The following DEPDC1B variants were observed in gnomAD, a reference collection of about 807,000 sequenced individuals.
The protein encoded by DEPDC1B is DEP domain-containing protein 1B.
In DEPDC1B, 51 loss-of-function variants were observed where a neutral mutation model predicts 66.5. The observed-to-expected ratio is 0.77, with a 90% CI of 0.61 to 0.97. DEPDC1B has a LOEUF of 0.97. Among genes scored for constraint, DEPDC1B ranks in the 50% least tolerant of loss-of-function variants. The pLI is 0.00. For missense variants in DEPDC1B, 552 were observed against 637.1 expected, an observed-to-expected ratio of 0.87 and a Z score of 1.44; for synonymous variants, 226 against 223.6, an observed-to-expected ratio of 1.01 and a Z score of -0.10.
intron 5 of DEPDC1B, among the ~76,000 whole-genome samples, chr5:60,643,130 A>G (rs1447351519): frequency 6.6e-6 from 1 of 152,234 alleles, no homozygotes; most frequent in Non-Finnish European, 1.5e-5. Flanking sequence ...AAAAATGTAT[A>G]GTTTGCTCCA....
intron 2 of DEPDC1B, among the ~76,000 whole-genome samples, chr5:60,651,216 T>C (rs937560416): frequency 9.2e-5 from 14 of 151,986 alleles, no homozygotes; most frequent in Admixed American, 3.3e-4. Context: ...CCAAAATTCC[T>C]GATCCACACA....
At chr5:60,668,117 ATATATATAAAATGGATATTT>A (rs1561384854) in intron 2 of DEPDC1B, among the ~76,000 whole-genome samples, 14 of 97,918 alleles carry the variant, frequency 1.4e-4, no homozygotes, top group African/African-American at 4.3e-4. Context: ...TATTTTATAT[ATATATATAAAATGGATATTT>A]TATATATATA....
At chr5:60,697,491 A>G (rs1754683890) in intron 1 of DEPDC1B, among the ~76,000 whole-genome samples, 1 of 152,156 alleles carries the variant, frequency 6.6e-6, no homozygotes, top group South Asian at 2.1e-4. Flanking sequence ...CAACAAGTAA[A>G]AAGAGGACTA....
chr5:60,687,100 C>T lies in DEPDC1B; in HGVS notation c.176G>A (p.Cys59Tyr), dbSNP rs771578507. 6.2e-7 allele frequency: 1 copy of T among 1,614,192 alleles called. No homozygotes were observed. The highest frequency in any genetic ancestry group is 8.5e-7 in the Non-Finnish European group (1 of 1,180,042). ...AVDWLHELLR[C>Y]SQNFGPEVTR... ...CACTTCAGGGCCGAAGTTTTGACTG[C>T]ACCTCAGCAGCTCATGCAGCCAATC... Residue 59 changes from cysteine to tyrosine, a missense_variant, in exon 2 of 11, where the codon TGC (cysteine) becomes TAC (tyrosine). Coordinates refer to ENST00000265036, the MANE Select transcript of DEPDC1B (RefSeq NM_018369.3).
intron 2 of DEPDC1B, among the ~76,000 whole-genome samples, chr5:60,649,034 T>C (rs1478660225): frequency 6.6e-6 from 1 of 152,080 alleles, no homozygotes; most frequent in Non-Finnish European, 1.5e-5. Context: ...CTCAGTTCAT[T>C]CAAAACTAAA....
In DEPDC1B at chr5:60,676,905, G is replaced by A. The variant is rs538878512; in HGVS notation, c.314+10057C>T. Among the ~76,000 whole-genome samples the A allele has an allele frequency of 5.9e-5, 9 of 152,276 alleles. No individual in the cohort carries two copies. In the East Asian group the frequency reaches 1.5e-3, roughly 26 times the overall value. ...TTATAGGGAAATGGTGGGGAATGTG[G>A]CCACTGGAGTGAGTTTGCCCCATCT... On this transcript the variant is annotated intron_variant, in intron 2 of 10. Coordinates refer to ENST00000265036, the MANE Select transcript of DEPDC1B (RefSeq NM_018369.3).
chr5:60,689,519 G>C (rs1754496578), intron 1 of DEPDC1B, among the ~76,000 whole-genome samples: 1 of 152,124 alleles, frequency 6.6e-6, no homozygotes, highest in Non-Finnish European at 1.5e-5. Context: ...ATTCAAATCT[G>C]TATCTTGAAT....
intron 2 of DEPDC1B, among the ~76,000 whole-genome samples, chr5:60,661,384 A>G (rs1753711844): frequency 6.6e-6 from 1 of 152,250 alleles, no homozygotes; most frequent in Non-Finnish European, 1.5e-5. Context: ...CATTAGGACC[A>G]TAGAGAACAC....
At chr5:60,680,911 T>C (rs1205400374) in intron 2 of DEPDC1B, among the ~76,000 whole-genome samples, 4 of 152,234 alleles carry the variant, frequency 2.6e-5, no homozygotes, top group African/African-American at 9.6e-5. Flanking sequence ...GCTTCAGAGA[T>C]GAAGACCTCA....
intron 2 of DEPDC1B, among the ~76,000 whole-genome samples, chr5:60,653,484 G>A (rs942980528): frequency 6.6e-6 from 1 of 152,082 alleles, no homozygotes; most frequent in African/African-American, 2.4e-5. Context: ...TGAGTTCCTC[G>A]TACATTGTGG....
At chr5:60,681,169 C>G (rs1754286440) in intron 2 of DEPDC1B, among the ~76,000 whole-genome samples, 2 of 152,104 alleles carry the variant, frequency 1.3e-5, no homozygotes, top group African/African-American at 2.4e-5. Flanking sequence ...AAAATGTTTC[C>G]CTTCAGACCA....
rs1213230567 is a variant in DEPDC1B at position 60,645,627 on chromosome 5, A to AG, written c.451-9dup. On this transcript the variant is annotated splice_polypyrimidine_tract_variant and intron_variant, in intron 3 of 10. Transcript: ENST00000265036. ...GTACCACATCTCAGAATTCTAATGG[A>AG]GGGGGGATGTAAGAAGGGAGGGAAG... 2 of 1,602,868 alleles carry AG rather than the reference A, an allele frequency of 1.2e-6. No homozygotes were observed. Among genetic ancestry groups the AG allele is most frequent in the South Asian group, 1.1e-5 (1 of 89,022 alleles).
intron 7 of DEPDC1B, among the ~76,000 whole-genome samples, 190 bp from the exon 8 acceptor site, chr5:60,606,046 C>A (rs2111718880): frequency 6.6e-6 from 1 of 152,242 alleles, no homozygotes; most frequent in Non-Finnish European, 1.5e-5. Context: ...AACCATCAAC[C>A]AGGCATGACA....
At chr5:60,693,282 G>C (rs1475065706) in intron 1 of DEPDC1B, among the ~76,000 whole-genome samples, 2 of 152,150 alleles carry the variant, frequency 1.3e-5, no homozygotes, top group East Asian at 1.9e-4. Flanking sequence ...ATGTGGAAGA[G>C]AGTAGGGAGG....
At chr5:60,619,118 AG>A (rs1231317946) in intron 7 of DEPDC1B, among the ~76,000 whole-genome samples, 2 of 152,228 alleles carry the variant, frequency 1.3e-5, no homozygotes, top group Non-Finnish European at 2.9e-5. Context: ...TCAATAAATT[AG>A]GTATTCATGG....
chr5:60,658,675 C>T (rs1753634795), intron 2 of DEPDC1B, among the ~76,000 whole-genome samples: 1 of 152,146 alleles, frequency 6.6e-6, no homozygotes, highest in African/African-American at 2.4e-5. Context: ...AAGAAATAGT[C>T]AAATCATATA....
chr5:60,603,495 T>C lies in DEPDC1B; in HGVS notation c.1138A>G (p.Arg380Gly), dbSNP rs1316552652. Residue 380 changes from arginine to glycine, a missense_variant, in exon 9 of 11, where the codon AGA (arginine) becomes GGA (glycine). By Grantham distance (125) the Arg-to-Gly change is moderately radical (BLOSUM62 -2). Coordinates refer to ENST00000265036, the MANE Select transcript of DEPDC1B (RefSeq NM_018369.3). Reference protein sequence around the residue: ...EVDLDELLAARLVTFLMDNYQ... With the variant: ...EVDLDELLAAGLVTFLMDNYQ... ...TTGTCCATCAGAAACGTTACCAATC[T>C]AGCAGCTAATAACTCATCCAAGTCC... 6.2e-7 allele frequency: 1 copy of C among 1,612,626 alleles called. No homozygotes were observed. Among genetic ancestry groups the C allele is most frequent in the East Asian group, 2.2e-5 (1 of 44,826 alleles).
chr5:60,682,577 C>G (rs1754320261), intron 2 of DEPDC1B, among the ~76,000 whole-genome samples: 1 of 151,828 alleles, frequency 6.6e-6, no homozygotes, highest in African/African-American at 2.4e-5. Flanking sequence ...TATGGGATTA[C>G]CATTAAGCAA....
At chr5:60,646,684 A>G (rs75552292) in intron 3 of DEPDC1B, among the ~76,000 whole-genome samples, 3,124 of 152,304 alleles carry the variant, frequency 0.021, 103 homozygotes, top group African/African-American at 0.07. Context: ...ATCAGTCCAT[A>G]GCCTATAAGG....
Sources: gnomAD v4.1 joint callset for allele counts (sites outside exome capture counted in the v4.1 genomes callset) on GRCh38, gnomAD v4.1.1 for gene constraint, MANE v1.5 for transcripts, NCBI Gene and HGNC (gene_info 2026-07-23, HGNC 2026-07-21) for gene names.